The following BOP1 variants were observed in gnomAD, a reference collection of about 807,000 sequenced individuals.
The protein encoded by BOP1 is ribosome biogenesis protein BOP1.
In BOP1, 54 loss-of-function variants were observed where a neutral mutation model predicts 82.9. The observed-to-expected ratio is 0.65, with a 90% CI of 0.52 to 0.82. The LOEUF is 0.82. Among genes scored for constraint, BOP1 ranks in the 40% least tolerant of loss-of-function variants. The probability of loss-of-function intolerance (pLI) is 0.00; values close to 1 mark genes in which losing one functional copy is unlikely to be tolerated. For missense variants in BOP1, 1,170 were observed against 1,072.0 expected, an observed-to-expected ratio of 1.09 and a Z score of -1.28; for synonymous variants, 566 against 451.1, an observed-to-expected ratio of 1.25 and a Z score of -3.23.
At chr8:144,270,883 C>T (rs966363211) in intron 3 of BOP1, among the ~76,000 whole-genome samples, 8 of 152,146 alleles carry the variant, frequency 5.3e-5, no homozygotes, top group Non-Finnish European at 7.4e-5. Context: ...GCCGCCCCTG[C>T]GAGCCGAGCT....
At chr8:144,267,200 CGCCGAGGGGG>C in intron 3 of BOP1, 1 of 1,498,680 alleles carries the variant, frequency 6.7e-7, no homozygotes, top group African/African-American at 1.5e-5. Flanking sequence ...GGCCGTGGGG[CGCCGAGGGGG>C]GCCTCCAACG....
chr8:144,262,799 CA>C, intron 13 of BOP1, 53 bp downstream of exon 13: 1 of 875,280 alleles, frequency 1.1e-6, no homozygotes, highest in Non-Finnish European at 1.6e-6. Context: ...CTGCAGGGTA[CA>C]CCGCCCCCCC....
intron 2 of BOP1, among the ~76,000 whole-genome samples, chr8:144,287,166 C>A (rs201591415): frequency 4.6e-5 from 7 of 152,140 alleles, no homozygotes; most frequent in Non-Finnish European, 8.8e-5. Context: ...CGCGCCACCA[C>A]GCCCAGCTAA....
intron 3 of BOP1, chr8:144,268,367 A>G: frequency 1.6e-6 from 1 of 607,434 alleles, no homozygotes; most frequent in Non-Finnish European, 2.9e-6. Context: ...GCCCACTGGA[A>G]CTTTCTGCGC....
chr8:144,286,795 C>T (rs1205870144), intron 2 of BOP1, among the ~76,000 whole-genome samples: 18 of 152,300 alleles, frequency 1.2e-4, no homozygotes, highest in African/African-American at 1.7e-4. Flanking sequence ...CCACAGACAG[C>T]GGTACTTTGG....
chr8:144,285,646 C>A (rs1478322289), intron 2 of BOP1, among the ~76,000 whole-genome samples: 2 of 152,224 alleles, frequency 1.3e-5, no homozygotes, highest in Non-Finnish European at 2.9e-5. Flanking sequence ...GGAGAAGCTG[C>A]TGTGTCACTG....
At chr8:144,269,357 C>T (rs1391647514) in intron 3 of BOP1, among the ~76,000 whole-genome samples, 4 of 152,184 alleles carry the variant, frequency 2.6e-5, no homozygotes, top group Non-Finnish European at 4.4e-5. Flanking sequence ...GTCAGGGCGG[C>T]GGCCGGCCCC....
intron 2 of BOP1, among the ~76,000 whole-genome samples, chr8:144,283,573 A>C (rs1418083601): frequency 3.9e-5 from 6 of 151,914 alleles, no homozygotes; most frequent in African/African-American, 1.4e-4. Flanking sequence ...TTGGCCTCCC[A>C]AAGTGCTGGG....
rs1048679357 is a variant in BOP1, at chr8:144,264,703, C to T, written c.663+11G>A. The T allele has an allele frequency of 1.3e-5, 21 of 1,568,620 alleles. No homozygotes were observed. The African/African-American group carries it at 2.0e-4, about 15-fold the overall frequency. On this transcript the variant is annotated intron_variant, in intron 5 of 15. Coordinates refer to ENST00000569669, the MANE Select transcript of BOP1 (RefSeq NM_015201.5). ...ACCCCCGCCGCCCAGGGGCCAGCCCCTGCCACCTACCTCATAGGGGTTGAA... is the reference window on the plus strand; with the variant it reads ...ACCCCCGCCGCCCAGGGGCCAGCCCTTGCCACCTACCTCATAGGGGTTGAA...
chr8:144,285,334 T>C (rs1814834006), intron 2 of BOP1, among the ~76,000 whole-genome samples: 2 of 152,080 alleles, frequency 1.3e-5, no homozygotes, highest in Admixed American at 6.5e-5. Context: ...CAGTCTGATG[T>C]GATGCTGTGG....
At chr8:144,290,947 A>G (rs1815045805) in intron 1 of BOP1, among the ~76,000 whole-genome samples, 1 of 152,242 alleles carries the variant, frequency 6.6e-6, no homozygotes. Context: ...ACTAGCGTAT[A>G]CGTAGGTTAA....
intron 3 of BOP1, among the ~76,000 whole-genome samples, chr8:144,272,858 C>A (rs1845512519): frequency 6.6e-6 from 1 of 152,220 alleles, no homozygotes. Flanking sequence ...TCAAGCCGGC[C>A]AAGGGGCACG....
At chr8:144,285,708 G>A (rs1814847779) in intron 2 of BOP1, among the ~76,000 whole-genome samples, 1 of 152,238 alleles carries the variant, frequency 6.6e-6, no homozygotes, top group South Asian at 2.1e-4. Context: ...CCGCTCAACG[G>A]AAGGGTTCTT....
At chr8:144,285,940 C>A (rs1814855551) in intron 2 of BOP1, among the ~76,000 whole-genome samples, 1 of 152,344 alleles carries the variant, frequency 6.6e-6, no homozygotes, top group South Asian at 2.1e-4. Context: ...ATGACGGGGC[C>A]ATCTTGGCGG....
intron 2 of BOP1, among the ~76,000 whole-genome samples, chr8:144,288,111 CA>C (rs1316578515): frequency 2.0e-5 from 3 of 150,692 alleles, no homozygotes; most frequent in South Asian, 2.1e-4. Context: ...ACTAAACATA[CA>C]AAAAAAAATT....
In BOP1 at chr8:144,263,154, A is replaced by C; in HGVS notation, c.1606-13T>G. The C allele has an allele frequency of 1.3e-6, 2 of 1,593,510 alleles. No homozygotes were observed. The highest frequency in any genetic ancestry group is 2.2e-5 in the South Asian group (2 of 90,516). Reference sequence around the variant, plus strand: ...CCTGCGTCACTGGCTGCAGGAGAGCAAGGCTGGCTGAGTGGCTGAGCCGGG... The same window carrying C: ...CCTGCGTCACTGGCTGCAGGAGAGCCAGGCTGGCTGAGTGGCTGAGCCGGG... On this transcript the variant is annotated splice_polypyrimidine_tract_variant and intron_variant, in intron 12 of 15. Coordinates refer to ENST00000569669, the MANE Select transcript of BOP1 (RefSeq NM_015201.5).
intron 2 of BOP1, among the ~76,000 whole-genome samples, chr8:144,278,541 G>A (rs1029871435): frequency 4.6e-5 from 7 of 152,232 alleles, no homozygotes; most frequent in African/African-American, 7.2e-5. Context: ...ACAGAGCTGC[G>A]GTGTCCCGGT....
At chr8:144,265,259 TGCC>T in intron 3 of BOP1, 188 bp from the exon 4 acceptor site, 1 of 678,196 alleles carries the variant, frequency 1.5e-6, no homozygotes, top group Non-Finnish European at 2.5e-6. Context: ...GCGGCCACGC[TGCC>T]CCCACCCCCG....
Position 144,264,409 on chromosome 8 carries a change from A to G in BOP1, c.794T>C (p.Met265Thr). The G allele has an allele frequency of 6.2e-7, 1 of 1,602,786 alleles. No homozygotes were observed. Among genetic ancestry groups the G allele is most frequent in the African/African-American group, 1.3e-5 (1 of 75,024 alleles). Residue 265 changes from methionine (M) to threonine (T), a missense_variant, in exon 7 of 16, where the codon ATG becomes ACG. Met to Thr is a moderately conservative substitution (Grantham distance 81). Coordinates refer to ENST00000569669, the MANE Select transcript of BOP1 (RefSeq NM_015201.5). ...KVSRMVHAIK[M>T]GWIQPRRPRD... is the part of the protein sequence containing the mutation. ...GGGCCGGCGAGGCTGGATCCAGCCC[A>G]TCTTGATGGCGTGCACCATGCGAGA... is the stretch of plus-strand genomic sequence containing the variant.
Sources: allele counts gnomAD v4.1 joint callset (sites outside exome capture counted in the v4.1 genomes callset), GRCh38; gene constraint gnomAD v4.1.1; transcripts MANE v1.5; gene names NCBI Gene and HGNC (gene_info 2026-07-23, HGNC 2026-07-21).